The following RSBN1L variants were observed in gnomAD, a reference collection of about 807,000 sequenced individuals.
RSBN1L encodes lysine-specific demethylase RSBN1L.
In RSBN1L, 30 loss-of-function variants were observed where a neutral mutation model predicts 67.7. That is an observed-to-expected ratio of 0.44 (90% CI 0.33 to 0.60). The LOEUF is 0.60. RSBN1L is among the 20% of genes least tolerant of loss of function. RSBN1L has a pLI of 0.02. For synonymous variants in RSBN1L, 433 were observed against 387.0 expected, an observed-to-expected ratio of 1.12 and a Z score of -1.39; for missense variants, 992 against 1,031.7, an observed-to-expected ratio of 0.96 and a Z score of 0.53.
At chr7:77,700,694 TTTC>T (rs1248559189) in intron 1 of RSBN1L, among the ~76,000 whole-genome samples, 1 of 152,238 alleles carries the variant, frequency 6.6e-6, no homozygotes, top group Non-Finnish European at 1.5e-5. Flanking sequence ...ATGATTTTAT[TTTC>T]TTGTGTAACC....
At chr7:77,763,259 T>C (rs1291399082) in intron 3 of RSBN1L, among the ~76,000 whole-genome samples, 8 of 151,962 alleles carry the variant, frequency 5.3e-5, no homozygotes, top group African/African-American at 1.5e-4. Flanking sequence ...GATTACAGTT[T>C]CGTGTCACCA....
Position 77,696,993 on chromosome 7 carries a change from G to A in RSBN1L, c.524G>A (p.Gly175Glu). ...GAGAGGAGGAGGCACGGTCTCGGTG[G>A]GGCCCGAGAGGCCGGCGGGGCCTCC... ...EKERRRHGLG[G>E]AREAGGASRE... is the part of the protein sequence containing the mutation. The change falls in exon 1 of 8, where the codon GGG (glycine) becomes GAG (glutamate). Residue 175 changes from glycine to glutamate, a missense_variant. Gly to Glu is a moderately conservative substitution (Grantham distance 98). Transcript: ENST00000334955. The A allele has an allele frequency of 6.5e-7, 1 of 1,539,862 alleles. No individual in the cohort carries two copies. Among genetic ancestry groups the A allele is most frequent in the Middle Eastern group, 1.9e-4 (1 of 5,374 alleles).
rs192612877 is a variant in RSBN1L, at chr7:77,747,432, C to T, written c.704-1992C>T. 7.9e-5 allele frequency among the ~76,000 whole-genome samples: 12 copies of T among 152,294 alleles called. No homozygotes were observed. The East Asian group carries it at 2.3e-3, about 29-fold the overall frequency. ...TGGTTTCCTGGGCCAGGCCCAGGGC[C>T]CTGCTGCTCTGCACAGCCTCAGGAT... is the stretch of plus-strand genomic sequence containing the variant. On this transcript the variant is annotated intron_variant, in intron 2 of 7. Coordinates refer to ENST00000334955, the MANE Select transcript of RSBN1L (RefSeq NM_198467.3).
chr7:77,744,685 T>C (rs1163570798), intron 2 of RSBN1L, among the ~76,000 whole-genome samples: 2 of 152,112 alleles, frequency 1.3e-5, no homozygotes, highest in African/African-American at 4.8e-5. Flanking sequence ...CCCAAAGTGC[T>C]GGGATTACAG....
intron 2 of RSBN1L, among the ~76,000 whole-genome samples, chr7:77,746,321 G>A (rs117172534): frequency 0.013 from 1,919 of 152,274 alleles, 17 homozygotes; most frequent in Middle Eastern, 0.034. Context: ...AAGCAGGCAC[G>A]CCGTACATGG....
At chr7:77,741,817 C>A (rs1791414579) in intron 2 of RSBN1L, among the ~76,000 whole-genome samples, 1 of 151,882 alleles carries the variant, frequency 6.6e-6, no homozygotes, top group African/African-American at 2.4e-5. Flanking sequence ...TTTCTGCATA[C>A]ATATCTACTG....
At chr7:77,739,567 G>A (rs981260285) in intron 2 of RSBN1L, among the ~76,000 whole-genome samples, 2 of 151,002 alleles carry the variant, frequency 1.3e-5, no homozygotes, top group Non-Finnish European at 3.0e-5. Flanking sequence ...AGAAAAATTA[G>A]CCGGGCGTGG....
intron 2 of RSBN1L, among the ~76,000 whole-genome samples, chr7:77,738,357 T>C (rs1005746862): frequency 9.2e-5 from 14 of 152,220 alleles, no homozygotes; most frequent in Admixed American, 6.5e-4. Context: ...ATTTAGGTGA[T>C]ATTTTGAACC....
At chr7:77,737,441 A>C (rs901128549) in intron 2 of RSBN1L, among the ~76,000 whole-genome samples, 1 of 152,216 alleles carries the variant, frequency 6.6e-6, no homozygotes, top group African/African-American at 2.4e-5. Context: ...TAAGATAAAG[A>C]GTATTAGATT....
At chr7:77,755,944 A>G (rs1282782248) in intron 3 of RSBN1L, among the ~76,000 whole-genome samples, 1 of 152,158 alleles carries the variant, frequency 6.6e-6, no homozygotes, top group Non-Finnish European at 1.5e-5. Flanking sequence ...TGTAGAGAAA[A>G]GTTCTGTACC....
chr7:77,696,985 T>G lies in RSBN1L; in HGVS notation c.516T>G (p.Gly172=). 6.5e-7 allele frequency: 1 copy of G among 1,548,484 alleles called. No homozygotes were observed. Among genetic ancestry groups the G allele is most frequent in the Non-Finnish European group, 8.7e-7 (1 of 1,155,002 alleles). The stretch of plus-strand genomic sequence containing the variant: ...GGGAGAAGGAGAGGAGGAGGCACGG[T>G]CTCGGTGGGGCCCGAGAGGCCGGCG... ...EKREKERRRH[G]LGGAREAGGA... Residue 172 remains glycine (G), a synonymous_variant, in exon 1 of 8, where the codon GGT becomes GGG. Coordinates refer to ENST00000334955, the MANE Select transcript of RSBN1L (RefSeq NM_198467.3).
intron 1 of RSBN1L, among the ~76,000 whole-genome samples, chr7:77,699,034 T>C (rs1401792713): frequency 1.3e-5 from 2 of 152,250 alleles, no homozygotes; most frequent in Non-Finnish European, 2.9e-5. Flanking sequence ...AGAATACATA[T>C]ATGCCTTTAT....
At chr7:77,714,467 C>T (rs7809947) in intron 1 of RSBN1L, among the ~76,000 whole-genome samples, 2,955 of 152,220 alleles carry the variant, frequency 0.019, 82 homozygotes, top group African/African-American at 0.066. Flanking sequence ...CTAGCTTTTT[C>T]GGTCTAGCTT....
chr7:77,710,088 CT>C (rs1484451873), intron 1 of RSBN1L, among the ~76,000 whole-genome samples: 1 of 152,132 alleles, frequency 6.6e-6, no homozygotes, highest in Admixed American at 6.6e-5. Context: ...TTTGCTCTGT[CT>C]TTTCTACTAG....
chr7:77,725,444 A>G (rs1791188981), intron 1 of RSBN1L, among the ~76,000 whole-genome samples: 1 of 58,754 alleles, frequency 1.7e-5, no homozygotes, highest in East Asian at 3.4e-4. Context: ...ACGGGGTTTC[A>G]CCATGTTTGC....
At chr7:77,724,993 C>A (rs1476173713) in intron 1 of RSBN1L, among the ~76,000 whole-genome samples, 11 of 149,010 alleles carry the variant, frequency 7.4e-5, no homozygotes, top group Non-Finnish European at 1.3e-4. Context: ...TAGGCACACA[C>A]CACCATGCCT....
rs140971425 is a variant in RSBN1L, at chr7:77,741,135, C to T, written c.703+4609C>T. 5.7e-3 allele frequency among the ~76,000 whole-genome samples: 860 copies of T among 151,396 alleles called. 8 individuals are homozygous for T. Among genetic ancestry groups the T allele is most frequent in the African/African-American group, 0.02 (809 of 41,340 alleles). Reference sequence around the variant, plus strand: ...CCGAGTAGCTGGAACTACAGGCGTGCGCCACCACGCCTGGCTAATTTTTGT... The same window carrying T: ...CCGAGTAGCTGGAACTACAGGCGTGTGCCACCACGCCTGGCTAATTTTTGT... On this transcript the variant is annotated intron_variant, in intron 2 of 7. Coordinates refer to ENST00000334955, the MANE Select transcript of RSBN1L (RefSeq NM_198467.3).
In RSBN1L at chr7:77,765,362, T is replaced by C. The variant is rs6950867; in HGVS notation, c.1345-133T>C. ...TTGTTTTGCTTGCCTCATTATGATATAATATTCTGAGATAATAATTTATTG... is the reference window on the plus strand; with the variant it reads ...TTGTTTTGCTTGCCTCATTATGATACAATATTCTGAGATAATAATTTATTG... On this transcript the variant is annotated intron_variant, in intron 3 of 7. Coordinates refer to ENST00000334955, the MANE Select transcript of RSBN1L (RefSeq NM_198467.3). 4,440 of 705,420 alleles carry C rather than the reference T, an allele frequency of 6.3e-3. 132 individuals are homozygous for C. In the African/African-American group the frequency reaches 0.07, roughly 11 times the overall value. 43.7% of individuals were successfully genotyped at this position (705,420 alleles called of 1,614,324 possible).
At position 77,778,736 on chromosome 7, in the gene RSBN1L, A is replaced by T. The variant is rs542705698; in HGVS notation, c.2109A>T (p.Thr703=). ...YHSEEDTSQN[T]ATHETGTSSD... Reference sequence around the variant, plus strand: ...CAGAGGAGGACACTTCTCAGAATACAGCTACTCATGAAACAGGCACATCAT... The same window carrying T: ...CAGAGGAGGACACTTCTCAGAATACTGCTACTCATGAAACAGGCACATCAT... Residue 703 remains threonine (T), a synonymous_variant, in exon 8 of 8, where the codon ACA becomes ACT. Coordinates refer to ENST00000334955, the MANE Select transcript of RSBN1L (RefSeq NM_198467.3). 14 of 1,614,150 alleles carry T rather than the reference A, an allele frequency of 8.7e-6. No homozygotes were observed. The African/African-American group carries it at 1.5e-4, about 17-fold the overall frequency.
Sources: gnomAD v4.1 joint callset for allele counts (sites outside exome capture counted in the v4.1 genomes callset) on GRCh38, gnomAD v4.1.1 for gene constraint, MANE v1.5 for transcripts, NCBI Gene and HGNC (gene_info 2026-07-23, HGNC 2026-07-21) for gene names.